The following SHROOM4 variants were observed in gnomAD, a reference collection of about 807,000 sequenced individuals.
SHROOM4 encodes shroom family member 4.
In SHROOM4, 17 loss-of-function variants were observed where a neutral mutation model predicts 80.3. That is an observed-to-expected ratio of 0.21 (90% CI 0.14 to 0.32). SHROOM4 has a LOEUF of 0.32. Ranked by LOEUF, SHROOM4 falls within the 10% of genes least tolerant of loss-of-function variation. The pLI is 1.00. For synonymous variants in SHROOM4, 400 were observed against 437.5 expected (o/e 0.91, Z 1.07); for missense variants, 993 against 1,140.3 (o/e 0.87, Z 1.86).
At chrX:50,627,711 G>C in intron 4 of SHROOM4, 36 bp from the exon 5 acceptor site, 1 of 1,126,466 alleles carries the variant, frequency 8.9e-7, no homozygotes. Flanking sequence ...AGAAAGCTTT[G>C]AGCAGCCAGG....
the SHROOM4 span, among the ~76,000 whole-genome samples, chrX:50,580,442 G>A: frequency 8.9e-6 from 1 of 112,342 alleles, no homozygotes; most frequent in Non-Finnish European, 1.9e-5. Context: ...TCCAAGATTG[G>A]TAGAATTAGA....
intron 1 of SHROOM4, among the ~76,000 whole-genome samples, chrX:50,781,135 G>GGGAC (rs1324475336): frequency 9.0e-6 from 1 of 111,313 alleles, no homozygotes; most frequent in Non-Finnish European, 1.9e-5. Flanking sequence ...CTATTTGGAT[G>GGGAC]GGACCCCTAC....
At chrX:50,663,939 A>C (rs1257479917) in intron 2 of SHROOM4, among the ~76,000 whole-genome samples, 4 of 112,089 alleles carry the variant, frequency 3.6e-5, no homozygotes, top group Non-Finnish European at 5.6e-5. Context: ...TCAGCACTCA[A>C]AAATATTTGT....
Position 50,789,149 on chromosome X carries a change from A to G in SHROOM4, c.117+24753T>C, listed in dbSNP as rs112907058. ...GGAAACAGTGAACTTGAACAACACT[A>G]TAGATCAAATGGACCTAACAGAAAC... is the stretch of plus-strand genomic sequence containing the variant. On this transcript the variant is annotated intron_variant, in intron 1 of 8. Transcript: ENST00000376020. Among the ~76,000 whole-genome samples the G allele has an allele frequency of 6.2e-3, 697 of 112,149 alleles. 9 individuals are homozygous for G. The highest frequency in any genetic ancestry group is 0.021 in the African/African-American group (659 of 30,912).
rs1477266531 is a variant in SHROOM4, at chrX:50,634,828, C to A, written c.1245G>T (p.Gln415His). The change falls in exon 4 of 9, where the codon CAG (glutamine) becomes CAT (histidine). Residue 415 changes from glutamine to histidine, a missense_variant. Gln to His is a conservative substitution (Grantham distance 24). Transcript: ENST00000376020. ...CATGCTGCAGGTGGGATGCCAGCAG[C>A]TGTTCAGGGGCACTATGGCGATGCC... ...PTGHRHSAPE[Q>H]LLASHLQHVH... The A allele has an allele frequency of 4.1e-6, 5 of 1,208,650 alleles. No individual in the cohort carries two copies. Among genetic ancestry groups the A allele is most frequent in the Non-Finnish European group, 5.6e-6 (5 of 894,455 alleles).
chrX:50,681,031 T>C (rs1932930585), intron 2 of SHROOM4, among the ~76,000 whole-genome samples: 1 of 110,926 alleles, frequency 9.0e-6, no homozygotes, highest in Admixed American at 9.7e-5. Context: ...CCTGCCCAAT[T>C]CACACTTGAT....
chrX:50,641,446 C>A (rs1486803189), intron 2 of SHROOM4, among the ~76,000 whole-genome samples: 1 of 111,969 alleles, frequency 8.9e-6, no homozygotes. Context: ...GCCTGATGCA[C>A]AGCAAGTGGT....
chrX:50,613,471 G>A (rs1421495802), intron 5 of SHROOM4, among the ~76,000 whole-genome samples: 1 of 111,460 alleles, frequency 9.0e-6, no homozygotes, highest in African/African-American at 3.3e-5. Flanking sequence ...AAGGTGTCAG[G>A]GTATAAAATT....
chrX:50,730,724 G>A (rs1207683956), intron 1 of SHROOM4, among the ~76,000 whole-genome samples: 4 of 108,868 alleles, frequency 3.7e-5, no homozygotes, highest in East Asian at 5.8e-4. Context: ...GCAGTGAGCC[G>A]AGATCGCACC....
At chrX:50,684,716 G>A (rs782529906) in intron 2 of SHROOM4, among the ~76,000 whole-genome samples, 1 of 111,811 alleles carries the variant, frequency 8.9e-6, no homozygotes, top group East Asian at 2.8e-4. Context: ...GAAAATGCCT[G>A]AAAAAGGGAG....
chrX:50,751,606 A>G (rs925559233), intron 1 of SHROOM4, among the ~76,000 whole-genome samples: 2 of 111,893 alleles, frequency 1.8e-5, no homozygotes, highest in African/African-American at 6.5e-5. Flanking sequence ...ACTATCCATC[A>G]TGACACTGAC....
intron 1 of SHROOM4, among the ~76,000 whole-genome samples, chrX:50,790,749 C>T (rs1343607467): frequency 9.0e-6 from 1 of 111,581 alleles, no homozygotes; most frequent in Non-Finnish European, 1.9e-5. Context: ...AACAGCCTTT[C>T]ATAAAAAGCT....
intron 1 of SHROOM4, among the ~76,000 whole-genome samples, chrX:50,784,336 G>GT (rs1330249104): frequency 2.7e-5 from 3 of 110,695 alleles, no homozygotes; most frequent in Non-Finnish European, 5.7e-5. Flanking sequence ...TTTTGTTTTT[G>GT]TTTTTTTGTA....
At chrX:50,802,956 T>C (rs1200766560) in intron 1 of SHROOM4, among the ~76,000 whole-genome samples, 1 of 112,350 alleles carries the variant, frequency 8.9e-6, no homozygotes, top group African/African-American at 3.2e-5. Flanking sequence ...AGTCACCTAA[T>C]CTTTCTTCAA....
At chrX:50,813,173 G>GGCGGCGGCGGCT (rs1936382607) in intron 1 of SHROOM4, among the ~76,000 whole-genome samples, 1 of 108,567 alleles carries the variant, frequency 9.2e-6, no homozygotes, top group Admixed American at 9.7e-5. Context: ...CGGCGGCGGC[G>GGCGGCGGCGGCT]GCGGCGGCGG....
chrX:50,764,628 T>G (rs1388943767), intron 1 of SHROOM4, among the ~76,000 whole-genome samples: 1 of 111,748 alleles, frequency 8.9e-6, no homozygotes, highest in African/African-American at 3.3e-5. Context: ...CTGAATTCCC[T>G]GAGGTCAATT....
intron 1 of SHROOM4, among the ~76,000 whole-genome samples, chrX:50,728,114 C>T (rs1202481097): frequency 9.0e-6 from 1 of 111,442 alleles, no homozygotes; most frequent in East Asian, 2.8e-4. Flanking sequence ...AATCCCAGCA[C>T]TTTGGGAGGC....
In SHROOM4 at chrX:50,607,991, G is replaced by T; in HGVS notation, c.3151C>A (p.His1051Asn). The change falls in exon 6 of 9, where the codon CAC becomes AAC. Residue 1051 changes from histidine to asparagine, a missense_variant. Coordinates refer to ENST00000376020, the MANE Select transcript of SHROOM4 (RefSeq NM_020717.5). ...EEGSSLASMP[H>N]PLRSRAFSES... ...GAGAAGGCACGGCTGCGCAGTGGGT[G>T]GGGCATGGAGGCAAGGGAGCTCCCC... 1 of 1,211,970 alleles carries T rather than the reference G, an allele frequency of 8.3e-7. No homozygotes were observed. Among genetic ancestry groups the T allele is most frequent in the Non-Finnish European group, 1.1e-6 (1 of 895,587 alleles).
chrX:50,627,670 A>C lies in SHROOM4; in HGVS notation c.2901T>G (p.Phe967Leu). 1.7e-6 allele frequency: 2 copies of C among 1,207,500 alleles called. No homozygotes were observed. The highest frequency in any genetic ancestry group is 2.2e-6 in the Non-Finnish European group (2 of 891,793). The change falls in exon 5 of 9, where the codon TTT becomes TTG. Residue 967 changes from phenylalanine (F) to leucine (L), a missense_variant. Phe to Leu is a conservative substitution (Grantham distance 22, BLOSUM62 0). Coordinates refer to ENST00000376020, the MANE Select transcript of SHROOM4 (RefSeq NM_020717.5). ...WKPRKLTVQE[F>L]PGDKWNPITG... Reference sequence around the variant, plus strand: ...TTATTGGATTCCATTTGTCCCCAGGAAATTCCTGTAAAGAAAAATCCTGAT... The same window carrying C: ...TTATTGGATTCCATTTGTCCCCAGGCAATTCCTGTAAAGAAAAATCCTGAT...
Sources: gnomAD v4.1 joint callset for allele counts (sites outside exome capture counted in the v4.1 genomes callset) on GRCh38, gnomAD v4.1.1 for gene constraint, MANE v1.5 for transcripts, NCBI Gene and HGNC (gene_info 2026-07-23, HGNC 2026-07-21) for gene names.